The following CREB5 variants were observed in gnomAD, a reference collection of about 807,000 sequenced individuals.
CREB5 encodes the protein cAMP responsive element binding protein 5, also known as cyclic AMP-responsive element-binding protein 5.
Under a neutral mutation model 57.1 loss-of-function variants are expected in CREB5, and 19 were observed. The observed-to-expected ratio is 0.33, with a 90% confidence interval of 0.23 to 0.49. CREB5 has a LOEUF of 0.49. CREB5 is among the 20% of genes least tolerant of loss of function. The pLI is 0.99. For missense variants in CREB5, 579 were observed against 671.6 expected, an observed-to-expected ratio of 0.86 and a Z score of 1.52; for synonymous variants, 238 against 238.3, an observed-to-expected ratio of 1.00 and a Z score of 0.01.
At chr7:28,422,050 C>T (rs7794347) in intron 1 of CREB5, among the ~76,000 whole-genome samples, 7,051 of 151,744 alleles carry the variant, frequency 0.046, 468 homozygotes, top group East Asian at 0.23. Flanking sequence ...AGTTGCTTTG[C>T]GGGGGACAAC....
At chr7:28,557,240 T>A (rs1305456967) in intron 4 of CREB5, among the ~76,000 whole-genome samples, 2 of 128,436 alleles carry the variant, frequency 1.6e-5, no homozygotes, top group African/African-American at 2.8e-5. Context: ...ATCACCTTCT[T>A]TCTGTTTGAG....
chr7:28,773,573 C>T (rs1170908162), intron 7 of CREB5, among the ~76,000 whole-genome samples: 1 of 152,160 alleles, frequency 6.6e-6, no homozygotes, highest in Admixed American at 6.5e-5. Flanking sequence ...ACCATTGTAT[C>T]ACAAAAGCAG....
At chr7:28,525,702 C>T (rs1033832519) in intron 4 of CREB5, among the ~76,000 whole-genome samples, 6 of 151,932 alleles carry the variant, frequency 3.9e-5, no homozygotes, top group African/African-American at 1.5e-4. Context: ...TATTTTGTAC[C>T]ATAAATATAA....
At chr7:28,473,199 A>G (rs1790902120) in intron 1 of CREB5, among the ~76,000 whole-genome samples, 2 of 152,020 alleles carry the variant, frequency 1.3e-5, no homozygotes, top group South Asian at 4.2e-4. Context: ...GTGCATACCT[A>G]TGGTCCCAGC....
intron 1 of CREB5, among the ~76,000 whole-genome samples, chr7:28,372,326 C>T (rs1786724205): frequency 6.6e-6 from 1 of 152,074 alleles, no homozygotes; most frequent in African/African-American, 2.4e-5. Flanking sequence ...GAGGGTTTCC[C>T]CTAGAAGGAG....
At chr7:28,565,074 A>G (rs1795426215) in intron 4 of CREB5, among the ~76,000 whole-genome samples, 1 of 152,206 alleles carries the variant, frequency 6.6e-6, no homozygotes, top group Non-Finnish European at 1.5e-5. Context: ...GACAAACTGG[A>G]CTAGAATAGA....
chr7:28,556,208 C>T (rs1562794075), intron 4 of CREB5, among the ~76,000 whole-genome samples: 1 of 152,154 alleles, frequency 6.6e-6, no homozygotes, highest in African/African-American at 2.4e-5. Context: ...CTTTATGGTA[C>T]ATAAACACCA....
chr7:28,512,729 C>T (rs2391670), intron 4 of CREB5, among the ~76,000 whole-genome samples: 42,311 of 151,700 alleles, frequency 0.28, 6,026 homozygotes, highest in South Asian at 0.37. Flanking sequence ...CTCCTTTGTC[C>T]TGCTAAGAGA....
chr7:28,346,469 C>T (rs1411464106), intron 1 of CREB5, among the ~76,000 whole-genome samples: 1 of 152,206 alleles, frequency 6.6e-6, no homozygotes, highest in Non-Finnish European at 1.5e-5. Flanking sequence ...AAGGTCCTGC[C>T]TCCTAATACC....
chr7:28,339,644 C>A lies in CREB5; in HGVS notation c.-25+40203C>A, dbSNP rs1356836679. On this transcript the variant is annotated intron_variant, in intron 1 of 9. Coordinates refer to the CREB5 transcript ENST00000396299. ...CCACTGTACCACTGCCCAGCTACCA[C>A]CTATGTTCACTCAAGGCCCTAGGGC... Among the ~76,000 whole-genome samples, 3 of 152,202 alleles carry A rather than the reference C, an allele frequency of 2.0e-5. No individual in the cohort carries two copies. The East Asian group carries it at 5.8e-4, about 29-fold the overall frequency.
chr7:28,395,713 G>T (rs1353729038), intron 1 of CREB5, among the ~76,000 whole-genome samples: 2 of 152,072 alleles, frequency 1.3e-5, no homozygotes, highest in Non-Finnish European at 2.9e-5. Context: ...ACCCTGGTGG[G>T]GCCAAGAATC....
At chr7:28,672,916 C>T (rs1298282893) in intron 5 of CREB5, among the ~76,000 whole-genome samples, 1 of 152,164 alleles carries the variant, frequency 6.6e-6, no homozygotes, top group African/African-American at 2.4e-5. Flanking sequence ...TTTTCCTGTT[C>T]TTTTTCCATA....
At chr7:28,790,025 A>T (rs1476059605) in intron 7 of CREB5, among the ~76,000 whole-genome samples, 3 of 152,226 alleles carry the variant, frequency 2.0e-5, no homozygotes, top group Non-Finnish European at 4.4e-5. Flanking sequence ...GAATGGAAGG[A>T]ATGAAAGCAC....
At chr7:28,677,514 T>C (rs957180037) in intron 5 of CREB5, among the ~76,000 whole-genome samples, 2 of 152,212 alleles carry the variant, frequency 1.3e-5, no homozygotes, top group Non-Finnish European at 2.9e-5. Flanking sequence ...TGCCTGCTTT[T>C]CTTTACCTGT....
intron 1 of CREB5, among the ~76,000 whole-genome samples, chr7:28,468,274 GC>G (rs1484202014): frequency 1.3e-5 from 2 of 152,196 alleles, no homozygotes; most frequent in African/African-American, 4.8e-5. Flanking sequence ...TAAAGATAAT[GC>G]CCAGTCTCTC....
At chr7:28,342,953 T>C (rs572373413) in intron 1 of CREB5, among the ~76,000 whole-genome samples, 3 of 152,246 alleles carry the variant, frequency 2.0e-5, no homozygotes, top group Non-Finnish European at 2.9e-5. Context: ...CTTTTTTTTT[T>C]TTCTTGAGAT....
intron 4 of CREB5, among the ~76,000 whole-genome samples, chr7:28,523,961 G>A (rs1053942130): frequency 1.3e-5 from 2 of 152,152 alleles, no homozygotes; most frequent in Non-Finnish European, 2.9e-5. Context: ...ACAGGGCTCT[G>A]CCTGTCTCCA....
intron 5 of CREB5, among the ~76,000 whole-genome samples, chr7:28,634,035 A>G (rs1798309301): frequency 6.6e-6 from 1 of 152,216 alleles, no homozygotes; most frequent in Non-Finnish European, 1.5e-5. Context: ...CCCAGAATAA[A>G]AAGTAAAACG....
At chr7:28,643,501 A>G (rs1798763412) in intron 5 of CREB5, among the ~76,000 whole-genome samples, 1 of 152,152 alleles carries the variant, frequency 6.6e-6, no homozygotes, top group Non-Finnish European at 1.5e-5. Context: ...TTACACAGAT[A>G]GATACACATC....
Sources: allele counts gnomAD v4.1 joint callset (sites outside exome capture counted in the v4.1 genomes callset), GRCh38; gene constraint gnomAD v4.1.1; transcripts MANE v1.5; gene names NCBI Gene and HGNC (gene_info 2026-07-23, HGNC 2026-07-21).